MYO15A: variants seen among roughly 807,000 people sequenced by gnomAD.
The protein encoded by MYO15A is myosin XVA, also known as unconventional myosin-XV.
A neutral mutation model predicts 394.6 loss-of-function variants in MYO15A; 308 were observed. That is an observed-to-expected ratio of 0.78 (90% CI 0.71 to 0.86). The LOEUF is 0.86. Among genes scored for constraint, MYO15A ranks in the 40% least tolerant of loss-of-function variants. The pLI is 0.00. For synonymous variants in MYO15A, 1,957 were observed against 2,003.8 expected (o/e 0.98, Z 0.62); for missense variants, 4,606 against 4,799.1 (o/e 0.96, Z 1.19).
At position 18,140,519 on chromosome 17, in the gene MYO15A, G is replaced by T. The variant is rs2046358864; in HGVS notation, c.5214G>T (p.Val1738=). The stretch of plus-strand genomic sequence containing the variant: ...TCCCTGCCCCGACCCCTGCCCAGGT[G>T]GTGGCACACCTCTTCTCCAGCCATG... The part of the protein sequence containing the change: ...LDLFVRSRTR[V]VAHLFSSHAP... Residue 1738 remains valine (V), a splice_region_variant and synonymous_variant, in exon 20 of 66, where the codon GTG becomes GTT. Transcript: ENST00000647165. 7 of 1,613,528 alleles carry T rather than the reference G, an allele frequency of 4.3e-6. No homozygotes were observed. The highest frequency in any genetic ancestry group is 5.1e-6 in the Non-Finnish European group (6 of 1,180,028).
intron 23 of MYO15A, 49 bp from the exon 24 acceptor site, chr17:18,142,030 T>G: frequency 6.2e-7 from 1 of 1,603,874 alleles, no homozygotes; most frequent in Non-Finnish European, 8.5e-7. Context: ...GGGCCCTTAG[T>G]CCAGCCTCCT....
Position 18,152,200 on chromosome 17 carries a change from G to A in MYO15A, c.7966+16G>A, listed in dbSNP as rs1211260212. 1 of 1,539,322 alleles carries A rather than the reference G, an allele frequency of 6.5e-7. No individual in the cohort carries two copies. The highest frequency in any genetic ancestry group is 8.8e-7 in the Non-Finnish European group (1 of 1,141,970). On this transcript the variant is annotated intron_variant, in intron 42 of 65. Coordinates refer to ENST00000647165, the MANE Select transcript of MYO15A (RefSeq NM_016239.4). ...CCCACTTCAGGTGAGAGGGCCAGGA[G>A]GGAGGGAGGGGAGGGTGTCCAAGTA... is the stretch of plus-strand genomic sequence containing the variant.
At chr17:18,167,865 T>C in intron 62 of MYO15A, 142 bp downstream of exon 62, 1 of 1,355,440 alleles carries the variant, frequency 7.4e-7, no homozygotes, top group Non-Finnish European at 1.0e-6. Context: ...GAAGGGGCTG[T>C]CCTTGCCTGG....
chr17:18,158,475 G>C, intron 51 of MYO15A, 48 bp from the exon 52 acceptor site: 2 of 1,542,444 alleles, frequency 1.3e-6, no homozygotes, highest in South Asian at 2.2e-5. Flanking sequence ...CGAAGGGCTA[G>C]GCGTGGTGTG....
Position 18,119,500 on chromosome 17 carries a change from G to A in MYO15A, c.700G>A (p.Glu234Lys), listed in dbSNP as rs767935511. 2 of 1,612,276 alleles carry A rather than the reference G, an allele frequency of 1.2e-6. No homozygotes were observed. The highest frequency in any genetic ancestry group is 8.5e-7 in the Non-Finnish European group (1 of 1,179,996). The stretch of plus-strand genomic sequence containing the variant: ...GCTTGAGGGCTTCCAGGACCTGGGC[G>A]AGTATTATGACTATCACCGCGACGG... The part of the protein sequence containing the change: ...YGLEGFQDLG[E>K]YYDYHRDGDD... The change falls in exon 2 of 66, where the codon GAG (glutamate) becomes AAG (lysine). Residue 234 changes from glutamate to lysine, a missense_variant. Coordinates refer to ENST00000647165, the MANE Select transcript of MYO15A (RefSeq NM_016239.4).
rs2045841575 is a variant in MYO15A at position 18,119,047 on chromosome 17, A to G, written c.247A>G (p.Thr83Ala). ...KRKARTVLKSTSKLMTQMRMG... is the reference protein window; with the variant it reads ...KRKARTVLKSASKLMTQMRMG... Reference sequence around the variant, plus strand: ...GAAGGCCCGCACCGTGCTCAAGTCCACGTCAAAGCTCATGACGCAGATGCG... The same window carrying G: ...GAAGGCCCGCACCGTGCTCAAGTCCGCGTCAAAGCTCATGACGCAGATGCG... Residue 83 changes from threonine to alanine, a missense_variant, in exon 2 of 66, where the codon ACG becomes GCG. This residue lies in a region of MYO15A where 1,830 missense variants were observed against 1,689.7 expected (regional missense o/e 1.08). Coordinates refer to ENST00000647165, the MANE Select transcript of MYO15A (RefSeq NM_016239.4). 6.2e-7 allele frequency: 1 copy of G among 1,612,544 alleles called. No individual in the cohort carries two copies. Among genetic ancestry groups the G allele is most frequent in the South Asian group, 1.1e-5 (1 of 91,016 alleles).
chr17:18,133,451 C>T (rs2046206430), intron 12 of MYO15A, 65 bp downstream of exon 12: 1 of 1,589,656 alleles, frequency 6.3e-7, no homozygotes, highest in Non-Finnish European at 8.6e-7. Flanking sequence ...TTTTCCAAGG[C>T]CTTCTCTGTT....
chr17:18,131,155 T>A, intron 8 of MYO15A, 84 bp from the exon 9 acceptor site: 2 of 1,275,652 alleles, frequency 1.6e-6, no homozygotes, highest in Non-Finnish European at 2.3e-6. Flanking sequence ...GGCTCATGTC[T>A]GGGTGTCCCC....
chr17:18,109,130 TC>T (rs1275232099), intron 1 of MYO15A: 6 of 152,436 alleles, frequency 3.9e-5, no homozygotes, highest in African/African-American at 1.4e-4. Context: ...TGGTGGCCAT[TC>T]CCACTTCCAC....
In MYO15A at chr17:18,148,780, C is replaced by T. The variant is rs779584672; in HGVS notation, c.6784C>T (p.Arg2262Cys). The T allele has an allele frequency of 2.2e-5, 36 of 1,600,326 alleles. No homozygotes were observed. Among genetic ancestry groups the T allele is most frequent in the South Asian group, 1.5e-4 (13 of 88,794 alleles). Residue 2262 changes from arginine to cysteine, a missense_variant, in exon 33 of 66, where the codon CGC becomes TGC. By Grantham distance (180) the Arg-to-Cys change is radical. Coordinates refer to ENST00000647165, the MANE Select transcript of MYO15A (RefSeq NM_016239.4). This position sits in a 1 kb window ranked among gnomAD's most constrained non-coding sequence, Gnocchi z 4.8. The part of the protein sequence containing the change: ...LRHRGLADGW[R>C]GWTVAMKNGV... ...CACCAGGGGGCTGGCAGATGGCTGG[C>T]GCGGCTGGACCGTGGCCATGAAGAA... is the stretch of plus-strand genomic sequence containing the variant.
At position 18,175,292 on chromosome 17, in the gene MYO15A, C is replaced by CTTT. The variant is rs1182500584; in HGVS notation, c.10491+1385_10491+1387dup. ...TCTGGTCTTTCCTCCTCTAGACTATCTTTTTTTTTTTTTTTTGAGGCAAAG... is the reference window on the plus strand; with the variant it reads ...TCTGGTCTTTCCTCCTCTAGACTATCTTTTTTTTTTTTTTTTTTTGAGGCAAAG... On this transcript the variant is annotated intron_variant, in intron 65 of 65. Coordinates refer to ENST00000647165, the MANE Select transcript of MYO15A (RefSeq NM_016239.4). Among the ~76,000 whole-genome samples, 72 of 91,292 alleles carry CTTT rather than the reference C, an allele frequency of 7.9e-4. 5 individuals carry two copies. The highest frequency in any genetic ancestry group is 1.2e-3 in the Non-Finnish European group (55 of 44,438). The allele number at this position is 91,292 out of a possible 152,430, so 59.9% of individuals were successfully genotyped here.
At position 18,142,175 on chromosome 17, in the gene MYO15A, T is replaced by A. The variant is rs1438410966; in HGVS notation, c.5746T>A (p.Phe1916Ile). ...CACTCTGCAGCGCTGCCTCCGTGGC[T>A]TCTTCATTAAGCGGCGATTCCGCTC... ...ALTLQRCLRG[F>I]FIKRRFRSLR... The change falls in exon 24 of 66, where the codon TTC (phenylalanine) becomes ATC (isoleucine). Residue 1916 changes from phenylalanine (F) to isoleucine (I), a missense_variant. Phe to Ile is a conservative substitution (Grantham distance 21). Around this residue, in one of 2 missense-constraint regions of MYO15A, gnomAD observed 2,776 missense variants for 3,109.3 expected, o/e 0.89. Coordinates refer to ENST00000647165, the MANE Select transcript of MYO15A (RefSeq NM_016239.4). 1 of 1,613,768 alleles carries A rather than the reference T, an allele frequency of 6.2e-7. No homozygotes were observed. Among genetic ancestry groups the A allele is most frequent in the Non-Finnish European group, 8.5e-7 (1 of 1,180,038 alleles).
rs750130164 is a variant in MYO15A, at chr17:18,158,555, T to C, written c.9000T>C (p.His3000=). 1 of 1,614,120 alleles carries C rather than the reference T, an allele frequency of 6.2e-7. No homozygotes were observed. The highest frequency in any genetic ancestry group is 1.1e-5 in the South Asian group (1 of 91,084). Residue 3000 remains histidine (H), a synonymous_variant, in exon 52 of 66, where the codon CAT becomes CAC. Transcript: ENST00000647165. ...GPPVRARSAD[H]GEDALALPPY... The stretch of plus-strand genomic sequence containing the variant: ...CAGTCAGGGCCCGCTCTGCTGACCA[T>C]GGGGAGGACGCCCTGGCGCTCCCAC...
Position 18,159,684 on chromosome 17 carries a change from G to A in MYO15A, c.9303+5G>A, listed in dbSNP as rs1555547215. On this transcript the variant is annotated splice_donor_5th_base_variant and intron_variant, in intron 55 of 65. Transcript: ENST00000647165. Reference sequence around the variant, plus strand: ...GTGCTTTGTAACCTCCTGAAGGTCAGTCCAGCCAACTTTGCCAGATGCCCC... The same window carrying A: ...GTGCTTTGTAACCTCCTGAAGGTCAATCCAGCCAACTTTGCCAGATGCCCC... 8.1e-6 allele frequency: 13 copies of A among 1,614,114 alleles called. No homozygotes were observed. Among genetic ancestry groups the A allele is most frequent in the Non-Finnish European group, 1.0e-5 (12 of 1,180,002 alleles).
chr17:18,144,317 C>A (rs1188289245), intron 28 of MYO15A, among the ~76,000 whole-genome samples, 180 bp from the exon 29 acceptor site: 1 of 151,308 alleles, frequency 6.6e-6, no homozygotes, highest in Non-Finnish European at 1.5e-5. Context: ...CCTGTCCCTA[C>A]CACCGACTTG....
Position 18,143,744 on chromosome 17 carries a change from G to A in MYO15A, c.5994G>A (p.Val1998=), listed in dbSNP as rs752814071. The part of the protein sequence containing the change: ...EELSKREVVA[V]GHLEVPAELA... ...TGAGCAAGCGGGAGGTAGTCGCTGT[G>A]GGGCACCTGGAGGTACCGGCTGAGC... Residue 1998 remains valine (V), a synonymous_variant, in exon 27 of 66, where the codon GTG becomes GTA. Transcript: ENST00000647165. 13 of 1,599,894 alleles carry A rather than the reference G, an allele frequency of 8.1e-6. No individual in the cohort carries two copies. The highest frequency in any genetic ancestry group is 1.7e-5 in the Admixed American group (1 of 57,892).
chr17:18,132,481 T>A lies in MYO15A; in HGVS notation c.4235T>A (p.Phe1412Tyr), dbSNP rs1597779977. The A allele has an allele frequency of 6.2e-7, 1 of 1,613,980 alleles. No individual in the cohort carries two copies. Among genetic ancestry groups the A allele is most frequent in the Middle Eastern group, 1.6e-4 (1 of 6,062 alleles). Reference sequence around the variant, plus strand: ...AAAAACGAGAGGAATTACCACATCTTCTACGAGTTGCTGGCCGGGTTGCCT... The same window carrying A: ...AAAAACGAGAGGAATTACCACATCTACTACGAGTTGCTGGCCGGGTTGCCT... ...QAKNERNYHIFYELLAGLPAQ... is the reference protein window; with the variant it reads ...QAKNERNYHIYYELLAGLPAQ... The change falls in exon 11 of 66, where the codon TTC becomes TAC. Residue 1412 changes from phenylalanine (F) to tyrosine (Y), a missense_variant. By Grantham distance (22) the Phe-to-Tyr change is conservative. This residue lies in a region of MYO15A where 2,776 missense variants were observed against 3,109.3 expected (regional missense o/e 0.89). Coordinates refer to ENST00000647165, the MANE Select transcript of MYO15A (RefSeq NM_016239.4). The surrounding 1 kb of genome is among the most constrained non-coding windows in gnomAD (Gnocchi z 4.6).
At chr17:18,131,192 G>C in intron 8 of MYO15A, 47 bp from the exon 9 acceptor site, 1 of 1,540,570 alleles carries the variant, frequency 6.5e-7, no homozygotes, top group Non-Finnish European at 9.0e-7. Flanking sequence ...CAGGCCCCCA[G>C]AACAGTGCCT....
rs965159527 is a variant in MYO15A at position 18,147,059 on chromosome 17, A to G, written c.6509+952A>G. On this transcript the variant is annotated intron_variant, in intron 30 of 65. Coordinates refer to ENST00000647165, the MANE Select transcript of MYO15A (RefSeq NM_016239.4). The surrounding 1 kb of genome is among the most constrained non-coding windows in gnomAD (Gnocchi z 4.4). Reference sequence around the variant, plus strand: ...GTGCTATGTGGGTATAACCATCACAATGATGTCACCCTGCTGGGTGAGAAG... The same window carrying G: ...GTGCTATGTGGGTATAACCATCACAGTGATGTCACCCTGCTGGGTGAGAAG... Among the ~76,000 whole-genome samples the G allele has an allele frequency of 2.6e-5, 4 of 152,216 alleles. No individual in the cohort carries two copies. The highest frequency in any genetic ancestry group is 6.5e-5 in the Admixed American group (1 of 15,282).
Sources: allele counts gnomAD v4.1 joint callset (sites outside exome capture counted in the v4.1 genomes callset), GRCh38; gene constraint gnomAD v4.1.1; regional missense constraint gnomAD v4.1.1; non-coding constraint Gnocchi (gnomAD v3.1); transcripts MANE v1.5; gene names NCBI Gene and HGNC (gene_info 2026-07-23, HGNC 2026-07-21).